The following TCTN3 variants were observed in gnomAD, a reference collection of about 807,000 sequenced individuals.
TCTN3 encodes tectonic family member 3.
In TCTN3, 57 loss-of-function variants were observed where a neutral mutation model predicts 71.3. The ratio of observed to expected loss-of-function variants is 0.80; its 90% confidence interval spans 0.65 to 1.00. The LOEUF is 1.00. Among genes scored for constraint, TCTN3 ranks in the 50% least tolerant of loss-of-function variants. The probability of loss-of-function intolerance (pLI) is 0.00; values close to 1 mark genes in which losing one functional copy is unlikely to be tolerated. For synonymous variants in TCTN3, 258 were observed against 267.8 expected (o/e 0.96, Z 0.36); for missense variants, 696 against 719.9 (o/e 0.97, Z 0.38).
chr10:95,673,660 T>C (rs2097933879), intron 13 of TCTN3, among the ~76,000 whole-genome samples: 1 of 151,982 alleles, frequency 6.6e-6, no homozygotes, highest in Non-Finnish European at 1.5e-5. Flanking sequence ...CTGGGCAACA[T>C]AGTGAGACTT....
intron 13 of TCTN3, among the ~76,000 whole-genome samples, chr10:95,671,269 T>C (rs1230620187): frequency 6.6e-6 from 1 of 152,220 alleles, no homozygotes; most frequent in African/African-American, 2.4e-5. Flanking sequence ...TTGACTTAAT[T>C]TATTTCTACT....
rs2097946426 is a variant in TCTN3, at chr10:95,684,571, G to A, written c.1023C>T (p.Val341=). 1.9e-6 allele frequency: 3 copies of A among 1,614,076 alleles called. No homozygotes were observed. The East Asian group carries it at 6.7e-5, about 36-fold the overall frequency. Residue 341 remains valine, a synonymous_variant, in exon 9 of 14, where the codon GTC becomes GTT. Transcript: ENST00000371217. ...NGTFGIQKVS[V]SLGQTNLTVE... Reference sequence around the variant, plus strand: ...CAGTCAGGTTGGTTTGTCCCAAACTGACAGAAACTTTCTGGATTCCAAAAG... The same window carrying A: ...CAGTCAGGTTGGTTTGTCCCAAACTAACAGAAACTTTCTGGATTCCAAAAG...
chr10:95,677,503 C>CTTTT (rs1589609203), intron 13 of TCTN3, among the ~76,000 whole-genome samples: 5 of 62,892 alleles, frequency 8.0e-5, no homozygotes, highest in African/African-American at 9.1e-5. Context: ...TTTTTTTTTG[C>CTTTT]TGTATTTTCC....
At position 95,664,035 on chromosome 10, in the gene TCTN3, G is replaced by A. The variant is rs1160481733; in HGVS notation, c.*32C>T. On this transcript the variant is annotated 3_prime_UTR_variant, in exon 14 of 14. Coordinates refer to ENST00000371217, the MANE Select transcript of TCTN3 (RefSeq NM_015631.6). ...AGTGGCTGCCTCAGAGTTTCTCATA[G>A]GGAAAACTGAAATCTGATTATTTTC... The A allele has an allele frequency of 6.3e-7, 1 of 1,599,646 alleles. No individual in the cohort carries two copies.
intron 13 of TCTN3, among the ~76,000 whole-genome samples, chr10:95,669,140 A>G (rs931377279): frequency 2.1e-4 from 32 of 152,192 alleles, no homozygotes; most frequent in Non-Finnish European, 2.8e-4. Flanking sequence ...GTGGGGGGGT[A>G]GGAGGAAAAT....
At chr10:95,667,503 G>A (rs188460273) in intron 13 of TCTN3, among the ~76,000 whole-genome samples, 1 of 152,292 alleles carries the variant, frequency 6.6e-6, no homozygotes, top group East Asian at 1.9e-4. Flanking sequence ...CAGAGGAAGG[G>A]ATGAGGGGCA....
chr10:95,672,077 A>G (rs1163160028), intron 13 of TCTN3, among the ~76,000 whole-genome samples: 4 of 146,352 alleles, frequency 2.7e-5, no homozygotes, highest in African/African-American at 1.0e-4. Flanking sequence ...GAGCTCCTTC[A>G]TGTCCCTTTC....
chr10:95,671,744 C>T (rs939855275), intron 13 of TCTN3, among the ~76,000 whole-genome samples: 1 of 152,104 alleles, frequency 6.6e-6, no homozygotes, highest in Non-Finnish European at 1.5e-5. Flanking sequence ...GCGTGTGCCA[C>T]CTTGCCCAGC....
intron 13 of TCTN3, among the ~76,000 whole-genome samples, chr10:95,672,160 T>TGTGTGTGTGTGTGTGTGTGTGTGTGTG (rs139798593): frequency 0.022 from 3,037 of 139,656 alleles, 57 homozygotes; most frequent in South Asian, 0.068. Flanking sequence ...ATTATTATTA[T>TGTGTGTGTGTGTGTGTGTGTGTGTGTG]TGTGTGTGTG....
rs10654251 is a variant in TCTN3 at position 95,677,474 on chromosome 10, G to GTTTTTTTTTT, written c.1590+2997_1590+2998insAAAAAAAAAA. Among the ~76,000 whole-genome samples the GTTTTTTTTTT allele has an allele frequency of 1.4e-3, 109 of 80,714 alleles. 7 individuals are homozygous for GTTTTTTTTTT. Among genetic ancestry groups the GTTTTTTTTTT allele is most frequent in the African/African-American group, 2.5e-3 (71 of 28,782 alleles). The allele number at this position is 80,714 out of a possible 152,430, so 53.0% of individuals were successfully genotyped here. ...ATACAAGAAGATAGTGAAGTCTACAGTTTTTTTTGTTTTTTTTTTTTTTTT... is the reference window on the plus strand; with the variant it reads ...ATACAAGAAGATAGTGAAGTCTACAGTTTTTTTTTTTTTTTTTTGTTTTTTTTTTTTTTTT... On this transcript the variant is annotated intron_variant, in intron 13 of 13. Transcript: ENST00000371217.
At chr10:95,667,790 TC>T (rs1417892805) in intron 13 of TCTN3, among the ~76,000 whole-genome samples, 1 of 152,098 alleles carries the variant, frequency 6.6e-6, no homozygotes, top group East Asian at 1.9e-4. Flanking sequence ...AATTAACAGT[TC>T]CAGCAAAGAC....
At chr10:95,693,095 A>T in intron 2 of TCTN3, 57 bp from the exon 3 acceptor site, 3 of 1,393,092 alleles carry the variant, frequency 2.2e-6, no homozygotes, top group Non-Finnish European at 2.0e-6. Context: ...AGGTCCAAAA[A>T]AGAGTGTCCC....
intron 3 of TCTN3, among the ~76,000 whole-genome samples, chr10:95,688,603 C>CA (rs2097950850): frequency 6.6e-6 from 1 of 152,100 alleles, no homozygotes; most frequent in African/African-American, 2.4e-5. Flanking sequence ...GTCCTAACAA[C>CA]AACTGACGAG....
At position 95,693,916 on chromosome 10, in the gene TCTN3, C is replaced by T; in HGVS notation, c.-17G>A. 2 of 1,551,496 alleles carry T rather than the reference C, an allele frequency of 1.3e-6. No homozygotes were observed. The highest frequency in any genetic ancestry group is 1.7e-6 in the Non-Finnish European group (2 of 1,146,938). On this transcript the variant is annotated 5_prime_UTR_variant, in exon 1 of 14. Coordinates refer to ENST00000371217, the MANE Select transcript of TCTN3 (RefSeq NM_015631.6). ...GGTGCGCATGGGGCATTCAGGGCCT[C>T]CGGGTCCGACGTAGGCCTCCGCGGT... is the stretch of plus-strand genomic sequence containing the variant.
At chr10:95,692,858 G>C (rs936275128) in intron 3 of TCTN3, 62 bp downstream of exon 3, 1 of 1,255,326 alleles carries the variant, frequency 8.0e-7, no homozygotes, top group Non-Finnish European at 1.2e-6. Flanking sequence ...TGTGGGCCAG[G>C]GAAGACAAAA....
At chr10:95,672,361 A>G (rs1255533859) in intron 13 of TCTN3, among the ~76,000 whole-genome samples, 1 of 152,122 alleles carries the variant, frequency 6.6e-6, no homozygotes, top group Non-Finnish European at 1.5e-5. Context: ...GGCTGTTATA[A>G]ACTTCCTTGC....
chr10:95,672,600 A>G (rs1156885577), intron 13 of TCTN3, among the ~76,000 whole-genome samples: 1 of 151,646 alleles, frequency 6.6e-6, no homozygotes, highest in Admixed American at 6.6e-5. Flanking sequence ...TTTAATTTGC[A>G]TATCTCTAAT....
intron 13 of TCTN3, among the ~76,000 whole-genome samples, chr10:95,674,818 C>T (rs566160965): frequency 3.4e-4 from 46 of 133,584 alleles, no homozygotes; most frequent in African/African-American, 1.2e-3. Context: ...GAGACCCCAT[C>T]TCTAGAATGA....
At chr10:95,691,199 C>T (rs1013541817) in intron 3 of TCTN3, among the ~76,000 whole-genome samples, 6 of 152,156 alleles carry the variant, frequency 3.9e-5, no homozygotes, top group African/African-American at 7.2e-5. Flanking sequence ...GACAGACTCT[C>T]GTTCTGTTAC....
Sources: gnomAD v4.1 joint callset for allele counts (sites outside exome capture counted in the v4.1 genomes callset) on GRCh38, gnomAD v4.1.1 for gene constraint, MANE v1.5 for transcripts, NCBI Gene and HGNC (gene_info 2026-07-23, HGNC 2026-07-21) for gene names.